The following SHLD2 variants were observed in gnomAD, a reference collection of about 807,000 sequenced individuals.
SHLD2 encodes the protein RINN1-REV7-interacting novel NHEJ regulator 2.
A neutral mutation model predicts 73.2 loss-of-function variants in SHLD2; 30 were observed. The observed-to-expected ratio is 0.41, with a 90% CI of 0.31 to 0.56. The LOEUF is 0.56. SHLD2 is among the 20% of genes least tolerant of loss of function. The pLI is 0.28. For missense variants in SHLD2, 745 were observed against 1,055.9 expected (o/e 0.71, Z 4.08); for synonymous variants, 285 against 370.1 (o/e 0.77, Z 2.64).
chr10:87,179,640 A>G lies in SHLD2; in HGVS notation c.2171-435A>G, dbSNP rs182566827. Among the ~76,000 whole-genome samples the G allele has an allele frequency of 3.5e-3, 526 of 152,292 alleles. 4 individuals are homozygous for G. The highest frequency in any genetic ancestry group is 0.012 in the African/African-American group (500 of 41,566). On this transcript the variant is annotated intron_variant, in intron 7 of 9. Coordinates refer to ENST00000298786, the MANE Select transcript of SHLD2 (RefSeq NM_001330112.2). ...ATGGTCTCGATCTCCTGACCTCGTG[A>G]TCTGCCCGCGTCGGCCTCCCAAAGT...
intron 2 of SHLD2, among the ~76,000 whole-genome samples, chr10:87,128,867 T>A (rs1844225455): frequency 6.6e-6 from 1 of 152,196 alleles, no homozygotes; most frequent in Non-Finnish European, 1.5e-5. Flanking sequence ...GTTTTTGTTT[T>A]TTAATTTTTA....
At chr10:87,172,134 T>G (rs1346993091) in intron 6 of SHLD2, among the ~76,000 whole-genome samples, 1 of 152,242 alleles carries the variant, frequency 6.6e-6, no homozygotes, top group East Asian at 1.9e-4. Flanking sequence ...AAGATGTTGT[T>G]GTTCTTTGTA....
intron 6 of SHLD2, among the ~76,000 whole-genome samples, chr10:87,175,044 G>C (rs1847858909): frequency 6.6e-6 from 1 of 151,586 alleles, no homozygotes; most frequent in Non-Finnish European, 1.5e-5. Context: ...TAGAACCTGG[G>C]ACGTGGAGCT....
chr10:87,174,534 A>AC (rs1485183549), intron 6 of SHLD2, among the ~76,000 whole-genome samples: 2 of 151,452 alleles, frequency 1.3e-5, no homozygotes, highest in African/African-American at 2.4e-5. Flanking sequence ...CTCTGTCTTT[A>AC]CAGATTTACT....
rs191949083 is a variant in SHLD2 at position 87,183,566 on chromosome 10, C to T, written c.2399+3263C>T. ...ACATTACATCTCCCTCTTGTCCCTTCGTTTTTCTATTCTGTTTTATACCCA... is the reference window on the plus strand; with the variant it reads ...ACATTACATCTCCCTCTTGTCCCTTTGTTTTTCTATTCTGTTTTATACCCA... On this transcript the variant is annotated intron_variant, in intron 8 of 9. Coordinates refer to ENST00000298786, the MANE Select transcript of SHLD2 (RefSeq NM_001330112.2). Among the ~76,000 whole-genome samples the T allele has an allele frequency of 1.1e-4, 16 of 152,310 alleles. No individual in the cohort carries two copies. In the East Asian group the frequency reaches 2.7e-3, roughly 26 times the overall value.
intron 2 of SHLD2, among the ~76,000 whole-genome samples, chr10:87,148,449 TAGA>T (rs1443375718): frequency 3.3e-5 from 5 of 151,864 alleles, no homozygotes; most frequent in Non-Finnish European, 7.4e-5. Context: ...ATTTGGCTTC[TAGA>T]AGGTCATTGG....
chr10:87,126,593 C>T (rs1246693063), intron 2 of SHLD2, among the ~76,000 whole-genome samples: 1 of 151,920 alleles, frequency 6.6e-6, no homozygotes, highest in Non-Finnish European at 1.5e-5. Flanking sequence ...GAAAAGAAGT[C>T]AGGGACATTA....
chr10:87,097,842 C>G (rs1842005788), intron 2 of SHLD2, among the ~76,000 whole-genome samples: 1 of 152,036 alleles, frequency 6.6e-6, no homozygotes, highest in African/African-American at 2.4e-5. Context: ...TCACTGCAGC[C>G]TCTGCCTCCC....
chr10:87,111,253 T>C (rs1029053206), intron 2 of SHLD2, among the ~76,000 whole-genome samples: 2 of 152,142 alleles, frequency 1.3e-5, no homozygotes, highest in African/African-American at 4.8e-5. Context: ...TTTCAACCTC[T>C]CTAGACTCAA....
intron 6 of SHLD2, among the ~76,000 whole-genome samples, chr10:87,172,949 G>A (rs950059676): frequency 5.9e-5 from 9 of 151,438 alleles, no homozygotes; most frequent in Non-Finnish European, 1.2e-4. Flanking sequence ...TTTCATATGT[G>A]TGTGAGCATC....
chr10:87,178,190 T>C (rs1025785249), intron 7 of SHLD2, among the ~76,000 whole-genome samples: 6 of 132,348 alleles, frequency 4.5e-5, no homozygotes, highest in Non-Finnish European at 7.7e-5. Flanking sequence ...GAGCCGAGAT[T>C]GCACCACTGC....
At chr10:87,102,182 A>G (rs1464571058) in intron 2 of SHLD2, among the ~76,000 whole-genome samples, 1 of 152,218 alleles carries the variant, frequency 6.6e-6, no homozygotes, top group Non-Finnish European at 1.5e-5. Context: ...TCTTGTGGTT[A>G]TAACAATGCT....
chr10:87,163,961 C>CT (rs201405790), intron 4 of SHLD2, among the ~76,000 whole-genome samples: 19,485 of 117,760 alleles, frequency 0.17, 1,437 homozygotes, highest in African/African-American at 0.21. Flanking sequence ...CTTTTCTTTT[C>CT]TTTTTTTTTT....
At chr10:87,158,365 CAT>C (rs761114560) in intron 4 of SHLD2, among the ~76,000 whole-genome samples, 5 of 152,158 alleles carry the variant, frequency 3.3e-5, no homozygotes, top group African/African-American at 4.8e-5. Context: ...TATTGGGTCT[CAT>C]GTTTCGTTTT....
At chr10:87,096,087 CG>C (rs1841850911) in intron 1 of SHLD2, among the ~76,000 whole-genome samples, 2 of 152,216 alleles carry the variant, frequency 1.3e-5, no homozygotes, top group South Asian at 4.1e-4. Context: ...GTCGCCCAGG[CG>C]GGAGTGTAGT....
rs1003594606 is a variant in SHLD2, at chr10:87,162,046, A to G, written c.1633+3891A>G. Among the ~76,000 whole-genome samples, 3 of 151,892 alleles carry G rather than the reference A, an allele frequency of 2.0e-5. 1 individual carries two copies. On this transcript the variant is annotated intron_variant, in intron 4 of 9. Coordinates refer to ENST00000298786, the MANE Select transcript of SHLD2 (RefSeq NM_001330112.2). ...TAACTTCTTAATAAATGGTGCTGAG[A>G]CAACTGGGTAGCCATTTGGAAAAAA...
At chr10:87,113,987 C>T (rs1209629632) in intron 2 of SHLD2, 2 of 149,128 alleles carry the variant, frequency 1.3e-5, no homozygotes, top group Admixed American at 6.7e-5. Flanking sequence ...GCATGGTCAA[C>T]AGAACGAGAC....
At chr10:87,096,071 T>A (rs1841847751) in intron 1 of SHLD2, among the ~76,000 whole-genome samples, 1 of 152,374 alleles carries the variant, frequency 6.6e-6, no homozygotes, top group South Asian at 2.1e-4. Flanking sequence ...GATGGAATCT[T>A]GCTCTGTCGC....
intron 2 of SHLD2, among the ~76,000 whole-genome samples, chr10:87,149,724 C>CTAAATAAA (rs200276976): frequency 7.8e-4 from 118 of 150,920 alleles, no homozygotes; most frequent in African/African-American, 9.5e-4. Context: ...AACTCTGTCT[C>CTAAATAAA]TAAATAAATA....
Sources: gnomAD v4.1 joint callset for allele counts (sites outside exome capture counted in the v4.1 genomes callset) on GRCh38, gnomAD v4.1.1 for gene constraint, MANE v1.5 for transcripts, NCBI Gene and HGNC (gene_info 2026-07-23, HGNC 2026-07-21) for gene names.